Variants in SLC36A1 observed in about 807,000 individuals in gnomAD.
SLC36A1 encodes the protein proton-coupled amino acid transporter 1.
SLC36A1 carries 30 observed loss-of-function variants against 47.5 expected under a neutral mutation model. The ratio of observed to expected loss-of-function variants is 0.63; its 90% CI spans 0.47 to 0.86. The LOEUF is 0.86. Among genes scored for constraint, SLC36A1 ranks in the 40% least tolerant of loss-of-function variants. The pLI is 0.00. For synonymous variants in SLC36A1, 255 were observed against 249.7 expected (o/e 1.02, Z -0.20); for missense variants, 517 against 606.0 (o/e 0.85, Z 1.54).
chr5:151,347,037 C>G, the SLC36A1 span, among the ~76,000 whole-genome samples: 1 of 152,208 alleles, frequency 6.6e-6, no homozygotes, highest in Non-Finnish European at 1.5e-5. Flanking sequence ...CTGCCAATGA[C>G]TCAGTATGTG....
the SLC36A1 span, chr5:151,550,479 C>T: frequency 7.3e-6 from 9 of 1,232,064 alleles, no homozygotes; most frequent in South Asian, 1.4e-5. Flanking sequence ...AACTCTGTCT[C>T]GTGCATGGTC....
chr5:151,544,312 A>G, the SLC36A1 span: 4 of 1,614,096 alleles, frequency 2.5e-6, no homozygotes, highest in African/African-American at 4.0e-5. Flanking sequence ...CAATTGGGAA[A>G]AAGTGGGAGG....
At chr5:151,527,960 A>G in the SLC36A1 span, 1 of 1,608,856 alleles carries the variant, frequency 6.2e-7, no homozygotes, top group Non-Finnish European at 8.5e-7. Flanking sequence ...TCTCTGCTCT[A>G]ATGAGCTCAG....
chr5:151,389,032 A>G, the SLC36A1 span, among the ~76,000 whole-genome samples: 1 of 152,180 alleles, frequency 6.6e-6, no homozygotes, highest in South Asian at 2.1e-4. Context: ...ATGTTACTCC[A>G]ATACTTAAAA....
the SLC36A1 span, chr5:151,512,214 G>A: frequency 1.2e-6 from 2 of 1,614,210 alleles, no homozygotes; most frequent in African/African-American, 1.3e-5. The surrounding 1 kb of genome is among the most constrained non-coding windows in gnomAD (Gnocchi z 4.1). Context: ...ATGTGTTCTG[G>A]CTGCAGTAGT....
At chr5:151,472,144 G>A (rs1032171652) in intron 7 of SLC36A1, among the ~76,000 whole-genome samples, 1 of 152,184 alleles carries the variant, frequency 6.6e-6, no homozygotes, top group Non-Finnish European at 1.5e-5. Context: ...ATTAACTCAC[G>A]CAATCACAGG....
At chr5:151,531,512 C>T in the SLC36A1 span, 1 of 1,580,202 alleles carries the variant, frequency 6.3e-7, no homozygotes, top group Non-Finnish European at 8.6e-7. This position sits in a 1 kb window ranked among gnomAD's most constrained non-coding sequence, Gnocchi z 5.7. Flanking sequence ...GGTAGATACC[C>T]ACACAGGGGA....
At chr5:151,554,435 A>G in the SLC36A1 span, 1 of 1,614,186 alleles carries the variant, frequency 6.2e-7, no homozygotes, top group Non-Finnish European at 8.5e-7. Flanking sequence ...GTCGATACTG[A>G]AGGCCTCCTC....
At chr5:151,531,166 G>A in the SLC36A1 span, among the ~76,000 whole-genome samples, 23 of 152,306 alleles carry the variant, frequency 1.5e-4, 1 homozygote, top group East Asian at 3.7e-3. The surrounding 1 kb of genome is among the most constrained non-coding windows in gnomAD (Gnocchi z 5.7). Flanking sequence ...TGTTTGGAGT[G>A]GATGTGGGGA....
chr5:151,356,332 T>C, the SLC36A1 span, among the ~76,000 whole-genome samples: 1 of 48,996 alleles, frequency 2.0e-5, no homozygotes, highest in East Asian at 9.0e-4. Context: ...AGCAAGGCTC[T>C]GTCTCACAAA....
At chr5:151,506,800 C>T in the SLC36A1 span, among the ~76,000 whole-genome samples, 5 of 152,342 alleles carry the variant, frequency 3.3e-5, no homozygotes, top group African/African-American at 1.2e-4. Context: ...ACTGGGCAAC[C>T]AGAAGCTTAG....
At chr5:151,368,069 T>A in the SLC36A1 span, among the ~76,000 whole-genome samples, 1 of 152,228 alleles carries the variant, frequency 6.6e-6, no homozygotes, top group Non-Finnish European at 1.5e-5. Context: ...GCATTTGATT[T>A]GAGCTGTTTA....
intron 1 of SLC36A1, among the ~76,000 whole-genome samples, chr5:151,458,304 G>GTGTGTGTGTATATA (rs1175105944): frequency 1.3e-5 from 1 of 76,592 alleles, no homozygotes; most frequent in African/African-American, 7.3e-5. Context: ...ACATACACGT[G>GTGTGTGTGTATATA]TATATACGTA....
At chr5:151,433,257 T>TATATAC (rs1759535605), upstream of SLC36A1, among the ~76,000 whole-genome samples, 2 of 22,078 alleles carry the variant, frequency 9.1e-5, no homozygotes, top group African/African-American at 4.6e-4. Flanking sequence ...TATATATATA[T>TATATAC]ATATATATAT....
At chr5:151,429,138 A>T in the SLC36A1 span, among the ~76,000 whole-genome samples, 1 of 152,086 alleles carries the variant, frequency 6.6e-6, no homozygotes, top group African/African-American at 2.4e-5. Flanking sequence ...CTCTCTCAAC[A>T]ACTCTAAGCA....
At chr5:151,546,292 A>G in the SLC36A1 span, 10 of 1,613,964 alleles carry the variant, frequency 6.2e-6, no homozygotes, top group Non-Finnish European at 8.5e-6. Flanking sequence ...AGCTAGAGTA[A>G]TGATGCCTAG....
the SLC36A1 span, among the ~76,000 whole-genome samples, chr5:151,384,655 C>T: frequency 3.3e-5 from 5 of 152,198 alleles, no homozygotes; most frequent in Non-Finnish European, 7.3e-5. Context: ...AACTATTCCT[C>T]TCTTGGAAAG....
At position 151,476,647 on chromosome 5, in the gene SLC36A1, C is replaced by T; in HGVS notation, c.880C>T (p.Leu294=). Residue 294 remains leucine, a synonymous_variant, in exon 9 of 11, where the codon CTG becomes TTG. Coordinates refer to ENST00000243389, the MANE Select transcript of SLC36A1 (RefSeq NM_078483.4). ...DPRKFPLILY[L]GMVIVTILYI... is the part of the protein sequence containing the mutation. ...TCGGAAGTTCCCACTCATCCTGTAC[C>T]TGGGCATGGTCATCGTCACCATCCT... 1 of 1,612,688 alleles carries T rather than the reference C, an allele frequency of 6.2e-7. No homozygotes were observed. Among genetic ancestry groups the T allele is most frequent in the South Asian group, 1.1e-5 (1 of 90,920 alleles).
chr5:151,396,381 A>G, the SLC36A1 span, among the ~76,000 whole-genome samples: 75,348 of 151,750 alleles, frequency 0.5, 20,691 homozygotes, highest in African/African-American at 0.75. Context: ...GATTACAGGC[A>G]TGAGCCACCA....
Sources: gnomAD v4.1 joint callset for allele counts (sites outside exome capture counted in the v4.1 genomes callset) on GRCh38, gnomAD v4.1.1 for gene constraint, Gnocchi (gnomAD v3.1) non-coding constraint, MANE v1.5 for transcripts, NCBI Gene and HGNC (gene_info 2026-07-23, HGNC 2026-07-21) for gene names.